Variants in SULT1B1 observed in about 807,000 individuals in gnomAD.
SULT1B1 encodes sulfotransferase family 1B member 1.
A neutral mutation model predicts 34.6 loss-of-function variants in SULT1B1; 28 were observed. The ratio of observed to expected loss-of-function variants is 0.81; its 90% CI spans 0.60 to 1.11. The LOEUF (loss-of-function observed/expected upper bound fraction) is 1.11, where lower values mean the gene tolerates loss of function less well. Ranked by LOEUF, SULT1B1 falls within the 50% of genes least tolerant of loss-of-function variation. SULT1B1 has a pLI of 0.00. For missense variants in SULT1B1, 374 were observed against 352.2 expected (o/e 1.06, Z -0.50); for synonymous variants, 147 against 110.2 (o/e 1.33, Z -2.09).
chr4:69,734,165 A>G lies in SULT1B1; in HGVS notation c.475T>C (p.Tyr159His), dbSNP rs770182699. ...TTTCCAGTTAAGAATTTCTCCAGAT[A>G]TTCTTCCCAGGTACCAGGAAAAGGC... ...LQPFPGTWEE[Y>H]LEKFLTGKVA... Residue 159 changes from tyrosine to histidine, a missense_variant, in exon 5 of 8, where the codon TAT becomes CAT. Tyr to His is a moderately conservative substitution (Grantham distance 83). Coordinates refer to ENST00000310613, the MANE Select transcript of SULT1B1 (RefSeq NM_014465.4). 15 of 1,611,542 alleles carry G rather than the reference A, an allele frequency of 9.3e-6. No homozygotes were observed. Among genetic ancestry groups the G allele is most frequent in the Non-Finnish European group, 9.3e-6 (11 of 1,178,696 alleles).
intron 4 of SULT1B1, among the ~76,000 whole-genome samples, chr4:69,744,534 T>G (rs1718678036): frequency 6.6e-6 from 1 of 152,232 alleles, no homozygotes; most frequent in South Asian, 2.1e-4. Flanking sequence ...ACTATAAAGG[T>G]GTTCCTAGCA....
At chr4:69,741,234 C>A (rs1442130163) in intron 4 of SULT1B1, among the ~76,000 whole-genome samples, 2 of 152,120 alleles carry the variant, frequency 1.3e-5, no homozygotes, top group Non-Finnish European at 2.9e-5. Flanking sequence ...CTAACCTGTT[C>A]CATTGGTATA....
In SULT1B1 at chr4:69,724,388, A is replaced by G. The variant is rs1219562743; in HGVS notation, c.*2700T>C. On this transcript the variant is annotated 3_prime_UTR_variant, in exon 8 of 8. Coordinates refer to ENST00000310613, the MANE Select transcript of SULT1B1 (RefSeq NM_014465.4). ...AATAAAAGAGGATACAAACAAATAG[A>G]AGAACATTCCATGCTCATGGATAGG... 2 of 152,246 alleles carry G rather than the reference A, an allele frequency of 1.3e-5. No homozygotes were observed. Among genetic ancestry groups the G allele is most frequent in the Admixed American group, 6.5e-5 (1 of 15,280 alleles). The allele number at this position is 152,246 out of a possible 1,614,324, so 9.4% of individuals were successfully genotyped here. A position where few individuals can be genotyped will look rare whatever the true frequency, so the allele number is the denominator to read the frequency against.
At chr4:69,744,155 G>A (rs924713174) in intron 4 of SULT1B1, among the ~76,000 whole-genome samples, 2 of 152,094 alleles carry the variant, frequency 1.3e-5, no homozygotes, top group Admixed American at 6.5e-5. Flanking sequence ...GTCTAACCAC[G>A]CTGCTCCCCC....
intron 3 of SULT1B1, among the ~76,000 whole-genome samples, chr4:69,751,482 C>T (rs905591835): frequency 6.6e-6 from 1 of 152,176 alleles, no homozygotes; most frequent in Non-Finnish European, 1.5e-5. Context: ...GACGGAGTCT[C>T]ACTCTGTCGC....
At chr4:69,740,895 G>A (rs1718520596) in intron 4 of SULT1B1, among the ~76,000 whole-genome samples, 1 of 152,012 alleles carries the variant, frequency 6.6e-6, no homozygotes, top group South Asian at 2.1e-4. Flanking sequence ...AATTTAATTA[G>A]GTCCCTCTTC....
chr4:69,728,035 A>T (rs1717904438), intron 7 of SULT1B1, among the ~76,000 whole-genome samples: 1 of 152,008 alleles, frequency 6.6e-6, no homozygotes, highest in Non-Finnish European at 1.5e-5. Context: ...ATTCCTATAG[A>T]TATGCTTTTT....
chr4:69,742,821 G>C (rs1350021756), intron 4 of SULT1B1, among the ~76,000 whole-genome samples: 2 of 152,240 alleles, frequency 1.3e-5, no homozygotes, highest in Non-Finnish European at 2.9e-5. Context: ...CCATTGCGCA[G>C]AGCCCGGCCT....
At chr4:69,734,089 A>G in intron 5 of SULT1B1, 49 bp downstream of exon 5, 1 of 1,387,702 alleles carries the variant, frequency 7.2e-7, no homozygotes. Context: ...TGTTAATAGT[A>G]TTATTAAAAT....
chr4:69,740,307 C>T (rs899178294), intron 4 of SULT1B1, among the ~76,000 whole-genome samples: 14 of 152,136 alleles, frequency 9.2e-5, no homozygotes, highest in South Asian at 2.1e-4. Context: ...CTATTGCTTG[C>T]AAGGCCCCAG....
In SULT1B1 at chr4:69,749,837, T is replaced by C. The variant is rs775368004; in HGVS notation, c.278-19A>G. 2.2e-5 allele frequency: 35 copies of C among 1,575,954 alleles called. No homozygotes were observed. The highest frequency in any genetic ancestry group is 2.9e-5 in the Non-Finnish European group (33 of 1,145,620). On this transcript the variant is annotated intron_variant, in intron 3 of 7. Transcript: ENST00000310613. ...TCTATACCTGAGAAATTTAGTTAAG[T>C]ATAGGGAAATATTAGAGTCTCCAGA...
intron 4 of SULT1B1, among the ~76,000 whole-genome samples, chr4:69,741,814 A>G (rs1357407294): frequency 1.3e-5 from 2 of 152,186 alleles, no homozygotes; most frequent in East Asian, 1.9e-4. Flanking sequence ...CTAAAAAATC[A>G]TATTGACTAT....
intron 3 of SULT1B1, among the ~76,000 whole-genome samples, chr4:69,752,819 C>T (rs1213287943): frequency 1.3e-5 from 2 of 152,220 alleles, no homozygotes; most frequent in East Asian, 1.9e-4. Flanking sequence ...TATCCTACTA[C>T]TTATTTGTTT....
chr4:69,749,290 A>G (rs1163577954), intron 4 of SULT1B1, among the ~76,000 whole-genome samples: 1 of 152,172 alleles, frequency 6.6e-6, no homozygotes. Flanking sequence ...CAGATAAGAA[A>G]AAAACACATA....
chr4:69,757,266 T>G (rs895359817), intron 1 of SULT1B1, among the ~76,000 whole-genome samples: 3 of 152,182 alleles, frequency 2.0e-5, no homozygotes, highest in Non-Finnish European at 2.9e-5. Context: ...TTTACTATTG[T>G]ATAGATAGAA....
At chr4:69,754,298 ATAGTAT>A (rs1355177346) in intron 3 of SULT1B1, among the ~76,000 whole-genome samples, 1 of 152,204 alleles carries the variant, frequency 6.6e-6, no homozygotes, top group Non-Finnish European at 1.5e-5. Flanking sequence ...AGAAAAATTA[ATAGTAT>A]TAGTGAATTT....
intron 4 of SULT1B1, among the ~76,000 whole-genome samples, chr4:69,737,056 A>T (rs1473566163): frequency 6.6e-6 from 1 of 152,042 alleles, no homozygotes; most frequent in Admixed American, 6.5e-5. Flanking sequence ...AACATCATAA[A>T]AGTACTTCTA....
At chr4:69,741,910 T>C (rs940242588) in intron 4 of SULT1B1, among the ~76,000 whole-genome samples, 1 of 152,184 alleles carries the variant, frequency 6.6e-6, no homozygotes, top group African/African-American at 2.4e-5. Flanking sequence ...TAGATCTTCC[T>C]GTACTATGTT....
Position 69,725,153 on chromosome 4 carries a change from A to C in SULT1B1, c.*1935T>G, listed in dbSNP as rs1403191133. The C allele has an allele frequency of 1.3e-5, 2 of 151,586 alleles. No homozygotes were observed. Among genetic ancestry groups the C allele is most frequent in the African/African-American group, 4.9e-5 (2 of 41,206 alleles). 9.4% of individuals were successfully genotyped at this position (151,586 alleles called of 1,614,324 possible). On this transcript the variant is annotated 3_prime_UTR_variant, in exon 8 of 8. Transcript: ENST00000310613. ...AAAGGGCTAATATCCAGAATCTACA[A>C]AGAACTCAAACAAATTTACAAGAAA...
Sources: allele counts gnomAD v4.1 joint callset (sites outside exome capture counted in the v4.1 genomes callset), GRCh38; gene constraint gnomAD v4.1.1; transcripts MANE v1.5; gene names NCBI Gene and HGNC (gene_info 2026-07-23, HGNC 2026-07-21).